Variants in SCEL observed in about 807,000 individuals in gnomAD.
SCEL encodes sciellin.
In SCEL, 113 loss-of-function variants were observed where a neutral mutation model predicts 117.6. The ratio of observed to expected loss-of-function variants is 0.96; its 90% CI spans 0.83 to 1.12. SCEL has a LOEUF of 1.12. SCEL is among the 50% of genes most tolerant of loss of function. The pLI, the probability that SCEL is intolerant of heterozygous loss-of-function variation, is 0.00. For synonymous variants in SCEL, 270 were observed against 256.2 expected, an observed-to-expected ratio of 1.05 and a Z score of -0.51; for missense variants, 785 against 810.8, an observed-to-expected ratio of 0.97 and a Z score of 0.39.
chr13:77,564,082 T>G (rs1286356577), intron 5 of SCEL, among the ~76,000 whole-genome samples, 183 bp downstream of exon 5: 1 of 152,156 alleles, frequency 6.6e-6, no homozygotes, highest in Non-Finnish European at 1.5e-5. Flanking sequence ...CTTGGCTAGA[T>G]GCATTTCCAA....
At chr13:77,637,341 T>TATATACGTATATAAAC in intron 30 of SCEL, 147 bp downstream of exon 30, 1 of 154,462 alleles carries the variant, frequency 6.5e-6, no homozygotes, top group Non-Finnish European at 1.3e-5. Context: ...TATATAAACA[T>TATATACGTATATAAAC]ATATACATAT....
intron 1 of SCEL, among the ~76,000 whole-genome samples, chr13:77,550,293 C>T (rs2093706): frequency 0.083 from 12,506 of 151,186 alleles, 646 homozygotes; most frequent in East Asian, 0.15. Context: ...GGCTGAGGCA[C>T]GAGAATTACT....
intron 1 of SCEL, among the ~76,000 whole-genome samples, chr13:77,548,015 A>G (rs1040595648): frequency 1.3e-5 from 2 of 152,164 alleles, no homozygotes; most frequent in Non-Finnish European, 2.9e-5. Context: ...GCTGTGTTTT[A>G]AATTTTCTTT....
At chr13:77,603,424 CA>C (rs2154401820) in intron 18 of SCEL, among the ~76,000 whole-genome samples, 1 of 152,214 alleles carries the variant, frequency 6.6e-6, no homozygotes, top group East Asian at 1.9e-4. Flanking sequence ...ACAGTCTTGA[CA>C]AAATTTTCAA....
intron 5 of SCEL, among the ~76,000 whole-genome samples, chr13:77,564,101 T>C (rs985390800): frequency 1.3e-5 from 2 of 152,128 alleles, no homozygotes; most frequent in African/African-American, 4.8e-5. Context: ...AAAATCTTTT[T>C]AATAGTAGAT....
intron 19 of SCEL, 22 bp downstream of exon 19, chr13:77,604,437 C>A (rs79433910): frequency 1.3e-6 from 2 of 1,553,304 alleles, no homozygotes; most frequent in South Asian, 1.2e-5. Context: ...AAAGCTCCCC[C>A]CTCCCCTTTG....
chr13:77,545,459 A>G (rs1412355309), intron 1 of SCEL, among the ~76,000 whole-genome samples: 1 of 152,192 alleles, frequency 6.6e-6, no homozygotes, highest in Non-Finnish European at 1.5e-5. Context: ...CATTCCACAA[A>G]AGGGCATTTT....
At chr13:77,634,560 C>A in intron 29 of SCEL, 110 bp downstream of exon 29, 2 of 676,468 alleles carry the variant, frequency 3.0e-6, no homozygotes, top group Non-Finnish European at 5.1e-6. Flanking sequence ...AATAGAAGAC[C>A]GTTTATAAGT....
intron 1 of SCEL, among the ~76,000 whole-genome samples, chr13:77,536,078 G>T (rs1460634804): frequency 1.3e-5 from 2 of 151,880 alleles, no homozygotes; most frequent in African/African-American, 2.4e-5. Flanking sequence ...TGATTTTCTG[G>T]GTGGGAGCTG....
At chr13:77,579,682 G>A (rs868744856) in intron 9 of SCEL, among the ~76,000 whole-genome samples, 15 of 152,188 alleles carry the variant, frequency 9.9e-5, no homozygotes, top group African/African-American at 3.6e-4. Flanking sequence ...TAAACACAAA[G>A]GTCAAGGTAG....
rs1344735198 is a variant in SCEL at position 77,569,461 on chromosome 13, A to G, written c.479+10A>G. ...CTGTAAAGAAGAAGAGGTAGGATGA[A>G]CTCACTGTGTCTACCTCTTGCTGAT... On this transcript the variant is annotated intron_variant, in intron 8 of 32. Coordinates refer to ENST00000349847, the MANE Select transcript of SCEL (RefSeq NM_144777.3). 4 of 1,598,894 alleles carry G rather than the reference A, an allele frequency of 2.5e-6. No individual in the cohort carries two copies. In the South Asian group the frequency reaches 4.4e-5, roughly 18 times the overall value.
chr13:77,603,673 G>T (rs1350392853), intron 18 of SCEL, among the ~76,000 whole-genome samples: 5 of 152,158 alleles, frequency 3.3e-5, no homozygotes, highest in Admixed American at 6.6e-5. Context: ...AGATTCTGCT[G>T]CTGCCTTTTA....
intron 15 of SCEL, among the ~76,000 whole-genome samples, chr13:77,600,813 G>A (rs1855214547): frequency 6.6e-6 from 1 of 152,114 alleles, no homozygotes. Flanking sequence ...TTTGTATTTG[G>A]TTAGTCATGA....
At chr13:77,561,101 T>C (rs2084952205) in intron 4 of SCEL, among the ~76,000 whole-genome samples, 1 of 152,214 alleles carries the variant, frequency 6.6e-6, no homozygotes, top group African/African-American at 2.4e-5. Context: ...CCTTAGTCTT[T>C]ATGGTTTTGA....
intron 1 of SCEL, among the ~76,000 whole-genome samples, chr13:77,554,971 G>A (rs1043330949): frequency 3.3e-5 from 5 of 151,996 alleles, no homozygotes; most frequent in Non-Finnish European, 7.4e-5. Flanking sequence ...GGCACACAAA[G>A]GCCCCCAATA....
chr13:77,560,633 T>A (rs536431345), intron 4 of SCEL, among the ~76,000 whole-genome samples: 12 of 152,204 alleles, frequency 7.9e-5, no homozygotes, highest in Admixed American at 5.9e-4. Context: ...TCAAAGCAAA[T>A]TAGTAGAAAA....
rs1394649915 is a variant in SCEL at position 77,563,876 on chromosome 13, C to T, written c.267C>T (p.Tyr89=). ...TGCCAAAAGCTACAATTAGTCGGTACAGTTCTGATGACACTTTGGACAGGT... is the reference window on the plus strand; with the variant it reads ...TGCCAAAAGCTACAATTAGTCGGTATAGTTCTGATGACACTTTGGACAGGT... ...RDVPKATISR[Y]SSDDTLDRIS... The change falls in exon 5 of 33, where the codon TAC becomes TAT. Residue 89 remains tyrosine, a synonymous_variant. Coordinates refer to ENST00000349847, the MANE Select transcript of SCEL (RefSeq NM_144777.3). 2 of 1,599,646 alleles carry T rather than the reference C, an allele frequency of 1.3e-6. No homozygotes were observed. Among genetic ancestry groups the T allele is most frequent in the Non-Finnish European group, 1.7e-6 (2 of 1,175,316 alleles).
chr13:77,568,575 T>C (rs2085417661), intron 7 of SCEL, among the ~76,000 whole-genome samples: 1 of 152,142 alleles, frequency 6.6e-6, no homozygotes, highest in Admixed American at 6.5e-5. Flanking sequence ...GATCATCCTT[T>C]CTTTCTTCTT....
At chr13:77,553,008 CAGATAGTTGT>C (rs2084430437) in intron 1 of SCEL, among the ~76,000 whole-genome samples, 2 of 152,126 alleles carry the variant, frequency 1.3e-5, no homozygotes, top group South Asian at 4.2e-4. Flanking sequence ...TGTCAAAGAT[CAGATAGTTGT>C]AGATATGTGG....
Sources: allele counts gnomAD v4.1 joint callset (sites outside exome capture counted in the v4.1 genomes callset), GRCh38; gene constraint gnomAD v4.1.1; transcripts MANE v1.5; gene names NCBI Gene and HGNC (gene_info 2026-07-23, HGNC 2026-07-21).